DTNA: variants seen among roughly 807,000 people sequenced by gnomAD.
DTNA encodes the protein dystrophin-related protein 3.
Under a neutral mutation model 100.7 loss-of-function variants are expected in DTNA, and 43 were observed. The ratio of observed to expected loss-of-function variants is 0.43; its 90% CI spans 0.33 to 0.55. The LOEUF is 0.55. Ranked by LOEUF, DTNA falls within the 20% of genes least tolerant of loss-of-function variation. DTNA has a pLI of 0.04. For synonymous variants in DTNA, 349 were observed against 347.9 expected, an observed-to-expected ratio of 1.00 and a Z score of -0.04; for missense variants, 798 against 953.9, an observed-to-expected ratio of 0.84 and a Z score of 2.15.
At chr18:34,581,438 T>A (rs947257488) in intron 1 of DTNA, among the ~76,000 whole-genome samples, 3 of 152,260 alleles carry the variant, frequency 2.0e-5, no homozygotes, top group African/African-American at 7.2e-5. Context: ...ATTAATTTCT[T>A]TGGATTTCTT....
chr18:34,549,461 A>G (rs1461100087), intron 1 of DTNA, among the ~76,000 whole-genome samples: 1 of 151,442 alleles, frequency 6.6e-6, no homozygotes, highest in African/African-American at 2.4e-5. Context: ...ATGTTAATTA[A>G]AAAGCTTCCC....
At chr18:34,735,495 C>G (rs2089374080) in intron 1 of DTNA, among the ~76,000 whole-genome samples, 2 of 152,074 alleles carry the variant, frequency 1.3e-5, no homozygotes, top group Admixed American at 6.5e-5. Flanking sequence ...CATTATAAAC[C>G]AAGAAGAGCA....
chr18:34,512,248 TA>T (rs984704171), intron 1 of DTNA, among the ~76,000 whole-genome samples: 1 of 151,966 alleles, frequency 6.6e-6, no homozygotes, highest in Non-Finnish European at 1.5e-5. Context: ...TTTTTTTTTC[TA>T]AAAAAATTTA....
intron 1 of DTNA, among the ~76,000 whole-genome samples, chr18:34,697,223 A>G (rs1483597136): frequency 6.6e-6 from 1 of 152,260 alleles, no homozygotes; most frequent in East Asian, 1.9e-4. Flanking sequence ...TGTTACCTCC[A>G]TTTTCAGATG....
chr18:34,738,256 T>C (rs997395549), intron 1 of DTNA, among the ~76,000 whole-genome samples: 2 of 152,036 alleles, frequency 1.3e-5, no homozygotes, highest in East Asian at 1.9e-4. Flanking sequence ...TACTTGCCAT[T>C]CTCTCAAAAA....
intron 1 of DTNA, among the ~76,000 whole-genome samples, chr18:34,740,251 T>A (rs553720123): frequency 4.6e-5 from 7 of 152,282 alleles, no homozygotes; most frequent in South Asian, 2.1e-4. Flanking sequence ...AAGTGCATCA[T>A]TGCTCTGTGC....
At chr18:34,755,149 A>G (rs1459371917) in intron 1 of DTNA, among the ~76,000 whole-genome samples, 1 of 152,230 alleles carries the variant, frequency 6.6e-6, no homozygotes, top group African/African-American at 2.4e-5. Flanking sequence ...AGATGCAATA[A>G]AAAGTCAAAT....
intron 1 of DTNA, among the ~76,000 whole-genome samples, chr18:34,619,943 A>G (rs748656790): frequency 1.3e-5 from 2 of 152,238 alleles, no homozygotes; most frequent in Non-Finnish European, 2.9e-5. Flanking sequence ...TAATTGTATC[A>G]TCATGAGACA....
chr18:34,591,721 A>G (rs2049746911), intron 1 of DTNA, among the ~76,000 whole-genome samples: 1 of 152,202 alleles, frequency 6.6e-6, no homozygotes, highest in Admixed American at 6.5e-5. Flanking sequence ...AGTTTCCCTA[A>G]GAAACTGTCA....
chr18:34,650,951 T>A (rs1050267739), intron 1 of DTNA, among the ~76,000 whole-genome samples: 1 of 152,208 alleles, frequency 6.6e-6, no homozygotes, highest in Admixed American at 6.5e-5. Flanking sequence ...CCTACTAATA[T>A]TAGTAGTACA....
At chr18:34,629,834 A>G (rs1016571829) in intron 1 of DTNA, among the ~76,000 whole-genome samples, 7 of 152,028 alleles carry the variant, frequency 4.6e-5, no homozygotes, top group African/African-American at 9.7e-5. Context: ...TGGTCCCGCA[A>G]TCCTCCATAC....
chr18:34,499,015 C>T (rs1309791443), intron 1 of DTNA, among the ~76,000 whole-genome samples: 2 of 152,118 alleles, frequency 1.3e-5, no homozygotes, highest in African/African-American at 4.8e-5. Context: ...TAAATTCTTG[C>T]AAAATGATAG....
intron 1 of DTNA, among the ~76,000 whole-genome samples, chr18:34,670,811 G>A (rs1487125040): frequency 6.6e-6 from 1 of 152,182 alleles, no homozygotes; most frequent in Non-Finnish European, 1.5e-5. Context: ...ACTCAGCCGT[G>A]TGAGGTGTCA....
intron 1 of DTNA, among the ~76,000 whole-genome samples, chr18:34,685,955 A>T (rs546022704): frequency 6.6e-6 from 1 of 152,176 alleles, no homozygotes; most frequent in Non-Finnish European, 1.5e-5. Flanking sequence ...TTACTGGTGT[A>T]TAGGAATGCT....
At chr18:34,670,139 T>G (rs1290398223) in intron 1 of DTNA, among the ~76,000 whole-genome samples, 3 of 152,190 alleles carry the variant, frequency 2.0e-5, no homozygotes, top group Non-Finnish European at 4.4e-5. Context: ...TTTATGCTTT[T>G]TTCTCTAAAC....
At chr18:34,721,592 T>G (rs1320545370) in intron 1 of DTNA, among the ~76,000 whole-genome samples, 2 of 152,192 alleles carry the variant, frequency 1.3e-5, no homozygotes, top group Non-Finnish European at 2.9e-5. Context: ...TGAGTAGACT[T>G]AAAATAACTG....
Position 34,593,992 on chromosome 18 carries a change from G to A in DTNA, c.-2+100478G>A, listed in dbSNP as rs561680663. Reference sequence around the variant, plus strand: ...AGGAGAGGAAAGGTGCTCTAAAGGTGGCTTAAACTGCGTAAGGAGCCTTTA... The same window carrying A: ...AGGAGAGGAAAGGTGCTCTAAAGGTAGCTTAAACTGCGTAAGGAGCCTTTA... On this transcript the variant is annotated intron_variant, in intron 1 of 19. Coordinates refer to the DTNA transcript ENST00000283365. 3.3e-5 allele frequency among the ~76,000 whole-genome samples: 5 copies of A among 152,228 alleles called. No individual in the cohort carries two copies. In the East Asian group the frequency reaches 9.7e-4, roughly 29 times the overall value.
At chr18:34,725,932 G>A (rs2086569878) in intron 1 of DTNA, among the ~76,000 whole-genome samples, 2 of 152,194 alleles carry the variant, frequency 1.3e-5, no homozygotes, top group African/African-American at 2.4e-5. Flanking sequence ...AAAAGGATGA[G>A]TTCATATCCT....
intron 1 of DTNA, among the ~76,000 whole-genome samples, chr18:34,702,833 T>C (rs1360146163): frequency 1.3e-5 from 2 of 152,228 alleles, no homozygotes; most frequent in Non-Finnish European, 2.9e-5. Flanking sequence ...CTCTGTAGCC[T>C]TCCTTAGAAT....
Sources: allele counts gnomAD v4.1 joint callset (sites outside exome capture counted in the v4.1 genomes callset), GRCh38; gene constraint gnomAD v4.1.1; transcripts MANE v1.5; gene names NCBI Gene and HGNC (gene_info 2026-07-23, HGNC 2026-07-21).